SNIP1: variants seen among roughly 807,000 people sequenced by gnomAD.
SNIP1 encodes the protein Smad nuclear interacting protein 1.
Under a neutral mutation model 37.4 loss-of-function variants are expected in SNIP1, and 23 were observed. The observed-to-expected ratio is 0.61, with a 90% CI of 0.44 to 0.87. The LOEUF (loss-of-function observed/expected upper bound fraction) is 0.87, where lower values mean the gene tolerates loss of function less well. Among genes scored for constraint, SNIP1 ranks in the 40% least tolerant of loss-of-function variants. The probability of loss-of-function intolerance (pLI) is 0.00; values close to 1 mark genes in which losing one functional copy is unlikely to be tolerated. For synonymous variants in SNIP1, 174 were observed against 200.0 expected (o/e 0.87, Z 1.10); for missense variants, 459 against 540.4 (o/e 0.85, Z 1.49).
chr1:37,552,509 C>T (rs988899503), intron 2 of SNIP1, 136 bp downstream of exon 2: 13 of 666,910 alleles, frequency 1.9e-5, no homozygotes, highest in Admixed American at 2.6e-5. Flanking sequence ...AAAAGCCCAT[C>T]GGAGGTACAA....
chr1:37,543,716 G>GA (rs1213598604), intron 2 of SNIP1, among the ~76,000 whole-genome samples: 1 of 140,178 alleles, frequency 7.1e-6, no homozygotes, highest in African/African-American at 2.7e-5. Flanking sequence ...TCTCCAATGA[G>GA]AAAAAAAATC....
At chr1:37,548,733 C>CAAAA (rs1434961366) in intron 2 of SNIP1, 1 of 68,634 alleles carries the variant, frequency 1.5e-5, no homozygotes, top group African/African-American at 5.7e-5. Flanking sequence ...GACTCCGTCT[C>CAAAA]AAAAAAAAAA....
chr1:37,547,208 G>A (rs755192406), intron 2 of SNIP1, among the ~76,000 whole-genome samples: 5 of 152,150 alleles, frequency 3.3e-5, no homozygotes, highest in South Asian at 2.1e-4. Flanking sequence ...TTAATCCCAC[G>A]TGACTGGTGA....
intron 3 of SNIP1, among the ~76,000 whole-genome samples, chr1:37,538,827 G>A (rs1264360693): frequency 1.3e-5 from 2 of 152,030 alleles, no homozygotes; most frequent in African/African-American, 2.4e-5. Context: ...GTTAGGAACC[G>A]GACCACACAG....
intron 2 of SNIP1, among the ~76,000 whole-genome samples, chr1:37,550,506 G>T (rs1351814752): frequency 2.0e-5 from 3 of 150,770 alleles, no homozygotes; most frequent in Non-Finnish European, 4.4e-5. Context: ...CAGGAGTTCA[G>T]GACCAGCCTG....
chr1:37,553,859 A>G (rs2148118726), intron 1 of SNIP1, 147 bp downstream of exon 1: 2 of 797,038 alleles, frequency 2.5e-6, no homozygotes. Flanking sequence ...GCATAACACA[A>G]GCACGACTGG....
rs754170290 is a variant in SNIP1, at chr1:37,540,425, C to T, written c.658G>A (p.Ala220Thr). ...AGTTCAAAGCTTGGTTTTTCTTTAG[C>T]GGGCACCTCTTTTTCTTTGTTGTTG... ...GGNNKEKEVP[A>T]KEKPSFELSG... Residue 220 changes from alanine (A) to threonine (T), a missense_variant, in exon 3 of 4, where the codon GCT (alanine) becomes ACT (threonine). Coordinates refer to ENST00000296215, the MANE Select transcript of SNIP1 (RefSeq NM_024700.4). The surrounding 1 kb of genome is among the most constrained non-coding windows in gnomAD (Gnocchi z 5.6). 1.9e-6 allele frequency: 3 copies of T among 1,613,970 alleles called. No individual in the cohort carries two copies. Among genetic ancestry groups the T allele is most frequent in the East Asian group, 2.2e-5 (1 of 44,900 alleles).
rs1643107421 is a variant in SNIP1 at position 37,537,074 on chromosome 1, A to G, written c.*674T>C. On this transcript the variant is annotated 3_prime_UTR_variant, in exon 4 of 4. Transcript: ENST00000296215. ...CAATTTCAGTCACTTGTGATGCTGA[A>G]TCAGCACCCACTGGTAGCAACCAGG... 1 of 152,410 alleles carries G rather than the reference A, an allele frequency of 6.6e-6. No individual in the cohort carries two copies. The allele number at this position is 152,410 out of a possible 1,614,324, so 9.4% of individuals were successfully genotyped here.
intron 2 of SNIP1, among the ~76,000 whole-genome samples, chr1:37,548,273 C>T (rs972723954): frequency 1.6e-4 from 24 of 150,620 alleles, no homozygotes; most frequent in Non-Finnish European, 2.2e-4. Flanking sequence ...CCTAATACAA[C>T]GTAAATGCTA....
At position 37,535,243 on chromosome 1, in the gene SNIP1, T is replaced by TATATATATATATATATATATATATATATA. The variant is rs1264980418; in HGVS notation, c.*2504_*2505insTATATATATATATATATATATATATATAT. 3.6e-4 allele frequency: 49 copies of TATATATATATATATATATATATATATATA among 134,506 alleles called. No individual in the cohort carries two copies. The highest frequency in any genetic ancestry group is 9.4e-4 in the African/African-American group (31 of 33,134). 8.3% of individuals were successfully genotyped at this position (134,506 alleles called of 1,614,324 possible). ...AAAAAATAAAAATTATATATATAAA[T>TATATATATATATATATATATATATATATA]TAGCCAGGCTTGGTGACAGGTGCCT... is the stretch of plus-strand genomic sequence containing the variant. On this transcript the variant is annotated 3_prime_UTR_variant, in exon 4 of 4. Transcript: ENST00000296215.
At chr1:37,543,635 C>T (rs1324146598) in intron 2 of SNIP1, among the ~76,000 whole-genome samples, 1 of 151,760 alleles carries the variant, frequency 6.6e-6, no homozygotes, top group Admixed American at 6.6e-5. Flanking sequence ...GAGAGATGTT[C>T]CCACTATAAT....
At chr1:37,539,574 C>T (rs188238818) in intron 3 of SNIP1, among the ~76,000 whole-genome samples, 17 of 152,238 alleles carry the variant, frequency 1.1e-4, no homozygotes, top group African/African-American at 4.1e-4. Context: ...GCTGGGTGTG[C>T]TGGTGTGTGC....
intron 2 of SNIP1, among the ~76,000 whole-genome samples, chr1:37,545,895 T>C (rs928733352): frequency 1.3e-5 from 2 of 152,026 alleles, no homozygotes; most frequent in Non-Finnish European, 2.9e-5. Flanking sequence ...AAATAACAAG[T>C]ATTGGCAAAG....
At chr1:37,542,086 C>G (rs890262382) in intron 2 of SNIP1, among the ~76,000 whole-genome samples, 1 of 152,170 alleles carries the variant, frequency 6.6e-6, no homozygotes. Context: ...TTCTCTTTAG[C>G]ATTCCTAATT....
At position 37,537,928 on chromosome 1, in the gene SNIP1, G is replaced by A. The variant is rs1210614347; in HGVS notation, c.1011C>T (p.Thr337=). The part of the protein sequence containing the change: ...YIIDLGSGNG[T]FLNNKRIEPQ... ...GCTCAATACGTTTGTTGTTTAAGAA[G>A]GTTCCATTGCCTGAGCCAAGGTCAA... The change falls in exon 4 of 4, where the codon ACC becomes ACT. Residue 337 remains threonine (T), a synonymous_variant. Transcript: ENST00000296215. The A allele has an allele frequency of 1.6e-5, 26 of 1,613,992 alleles. No homozygotes were observed. The highest frequency in any genetic ancestry group is 2.1e-5 in the Non-Finnish European group (25 of 1,180,040).
intron 2 of SNIP1, 84 bp downstream of exon 2, chr1:37,552,561 C>A (rs1234720228): frequency 6.0e-6 from 7 of 1,170,352 alleles, no homozygotes; most frequent in Non-Finnish European, 3.9e-6. Flanking sequence ...TGTGCACACA[C>A]ACAACACACA....
chr1:37,543,908 A>AGAG (rs1553165936), intron 2 of SNIP1, among the ~76,000 whole-genome samples: 2 of 148,926 alleles, frequency 1.3e-5, no homozygotes, highest in African/African-American at 4.9e-5. Flanking sequence ...TGGGAGGGCA[A>AGAG]GGGGGGGGGC....
In SNIP1 at chr1:37,552,399, G is replaced by A. The variant is rs928399236; in HGVS notation, c.327+246C>T. ...GAAACCAGGAAGAGTATATCTCCCT[G>A]AATTATTTCTGACAACTGCATGTGA... On this transcript the variant is annotated intron_variant, in intron 2 of 3. Coordinates refer to ENST00000296215, the MANE Select transcript of SNIP1 (RefSeq NM_024700.4). 28 of 469,754 alleles carry A rather than the reference G, an allele frequency of 6.0e-5. No individual in the cohort carries two copies. The Middle Eastern group carries it at 1.8e-3, about 30-fold the overall frequency. The allele number at this position is 469,754 out of a possible 1,614,324, so 29.1% of individuals were successfully genotyped here.
At chr1:37,548,552 C>G (rs1161159610) in intron 2 of SNIP1, among the ~76,000 whole-genome samples, 1 of 151,888 alleles carries the variant, frequency 6.6e-6, no homozygotes, top group Non-Finnish European at 1.5e-5. Context: ...TCAGGTGATC[C>G]ACCCGCCTCG....
Sources: allele counts gnomAD v4.1 joint callset (sites outside exome capture counted in the v4.1 genomes callset), GRCh38; gene constraint gnomAD v4.1.1; non-coding constraint Gnocchi (gnomAD v3.1); transcripts MANE v1.5; gene names NCBI Gene and HGNC (gene_info 2026-07-23, HGNC 2026-07-21).